The following CADPS variants were observed in gnomAD, a reference collection of about 807,000 sequenced individuals.
CADPS encodes calcium-dependent secretion activator 1.
Under a neutral mutation model 167.3 loss-of-function variants are expected in CADPS, and 57 were observed. The ratio of observed to expected loss-of-function variants is 0.34; its 90% CI spans 0.28 to 0.42. CADPS has a LOEUF of 0.42. CADPS is among the 20% of genes least tolerant of loss of function. The probability of loss-of-function intolerance (pLI) is 1.00; values close to 1 mark genes in which losing one functional copy is unlikely to be tolerated. For missense variants in CADPS, 1,414 were observed against 1,738.1 expected, an observed-to-expected ratio of 0.81 and a Z score of 3.32; for synonymous variants, 676 against 635.3, an observed-to-expected ratio of 1.06 and a Z score of -0.96.
intron 1 of CADPS, among the ~76,000 whole-genome samples, chr3:62,839,273 C>T (rs977424401): frequency 1.6e-4 from 25 of 152,110 alleles, no homozygotes; most frequent in African/African-American, 6.0e-4. Context: ...TAGCTCACTG[C>T]AACCTCTGCC....
intron 1 of CADPS, among the ~76,000 whole-genome samples, chr3:62,826,017 G>A (rs1434964379): frequency 1.3e-5 from 2 of 152,128 alleles, no homozygotes; most frequent in African/African-American, 2.4e-5. Flanking sequence ...CACAGGCCAT[G>A]GACTTATAAA....
At chr3:62,775,459 T>C (rs2090046943) in intron 1 of CADPS, among the ~76,000 whole-genome samples, 1 of 152,152 alleles carries the variant, frequency 6.6e-6, no homozygotes, top group African/African-American at 2.4e-5. Flanking sequence ...ACACAATACA[T>C]AAAAAATCAT....
chr3:62,640,753 A>G (rs952995228), intron 6 of CADPS, among the ~76,000 whole-genome samples: 1 of 152,210 alleles, frequency 6.6e-6, no homozygotes, highest in African/African-American at 2.4e-5. Flanking sequence ...TTTCAGATAC[A>G]TTAGCACAAT....
chr3:62,583,038 AG>A (rs1244443503), intron 8 of CADPS, among the ~76,000 whole-genome samples: 2 of 152,180 alleles, frequency 1.3e-5, no homozygotes, highest in African/African-American at 2.4e-5. Context: ...ACTCGAATGT[AG>A]GTTGAGGCAC....
chr3:62,776,436 C>G (rs1175266752), intron 1 of CADPS, among the ~76,000 whole-genome samples: 1 of 152,144 alleles, frequency 6.6e-6, no homozygotes, highest in East Asian at 1.9e-4. Flanking sequence ...AGGCGGATCA[C>G]GAGGTCAGGA....
intron 17 of CADPS, among the ~76,000 whole-genome samples, chr3:62,506,583 A>T (rs2066728208): frequency 6.6e-6 from 1 of 152,178 alleles, no homozygotes; most frequent in Non-Finnish European, 1.5e-5. Flanking sequence ...TTAATTCTGC[A>T]TGGACATTGT....
At chr3:62,677,285 A>G (rs1037638150) in intron 3 of CADPS, among the ~76,000 whole-genome samples, 12 of 152,170 alleles carry the variant, frequency 7.9e-5, no homozygotes, top group African/African-American at 2.9e-4. Flanking sequence ...CACCAAAAAC[A>G]AAAAACCAAA....
intron 1 of CADPS, among the ~76,000 whole-genome samples, chr3:62,830,050 G>A (rs191080677): frequency 5.9e-5 from 9 of 152,088 alleles, no homozygotes; most frequent in Admixed American, 6.6e-5. Context: ...TGGGTGATTG[G>A]TTTCCACCCC....
intron 23 of CADPS, among the ~76,000 whole-genome samples, chr3:62,476,767 T>G (rs2061376927): frequency 6.6e-6 from 1 of 152,210 alleles, no homozygotes; most frequent in Non-Finnish European, 1.5e-5. Context: ...TACAATTATG[T>G]GCACAGTTTA....
At chr3:62,700,061 C>T (rs1006296597) in intron 3 of CADPS, among the ~76,000 whole-genome samples, 3 of 152,084 alleles carry the variant, frequency 2.0e-5, no homozygotes, top group Non-Finnish European at 2.9e-5. Context: ...TCTATGGGTC[C>T]TCTATCTCTA....
In CADPS at chr3:62,398,862, AG is replaced by A. The variant is rs1304873232; in HGVS notation, c.*543del. On this transcript the variant is annotated 3_prime_UTR_variant, in exon 30 of 30. Transcript: ENST00000383710. ...GAAAGGATGGGTTAACAACGACACA[AG>A]GGGTTCATTTTTTGGTTTTAGGGGA... 6.6e-6 allele frequency: 1 copy of A among 152,242 alleles called. No homozygotes were observed. Among genetic ancestry groups the A allele is most frequent in the Non-Finnish European group, 1.5e-5 (1 of 68,056 alleles). The allele number at this position is 152,242 out of a possible 1,614,324, so 9.4% of individuals were successfully genotyped here. A position where few individuals can be genotyped will look rare whatever the true frequency, so the allele number is the denominator to read the frequency against.
At position 62,576,790 on chromosome 3, in the gene CADPS, A is replaced by T. The variant is rs1018066684; in HGVS notation, c.1578-5852T>A. Among the ~76,000 whole-genome samples the T allele has an allele frequency of 4.3e-4, 60 of 141,080 alleles. 2 individuals carry two copies. The highest frequency in any genetic ancestry group is 1.2e-3 in the South Asian group (5 of 4,284). The allele number at this position is 141,080 out of a possible 152,430, so 92.6% of individuals were successfully genotyped here. On this transcript the variant is annotated intron_variant, in intron 8 of 29. Coordinates refer to ENST00000383710, the MANE Select transcript of CADPS (RefSeq NM_003716.4). Reference sequence around the variant, plus strand: ...GGGTGACAGAGCAAGACTCTGTCTAAAAAAAAAAAAAAAAAAAAAAAAAAA... The same window carrying T: ...GGGTGACAGAGCAAGACTCTGTCTATAAAAAAAAAAAAAAAAAAAAAAAAA...
chr3:62,851,442 C>A (rs979100498), intron 1 of CADPS, among the ~76,000 whole-genome samples: 8 of 148,130 alleles, frequency 5.4e-5, no homozygotes, highest in African/African-American at 2.0e-4. Context: ...TTAGCGCTTC[C>A]TTCAGGAGCT....
chr3:62,666,061 G>C (rs540081833), intron 3 of CADPS, among the ~76,000 whole-genome samples: 2 of 152,320 alleles, frequency 1.3e-5, no homozygotes, highest in East Asian at 3.9e-4. Flanking sequence ...TCCCTCACTG[G>C]CGTGAATGTA....
At chr3:62,551,999 G>C (rs1460979475) in intron 10 of CADPS, among the ~76,000 whole-genome samples, 2 of 152,012 alleles carry the variant, frequency 1.3e-5, no homozygotes, top group African/African-American at 4.8e-5. Context: ...GGTAGTTTTT[G>C]TCTATTTTGC....
chr3:62,547,587 C>CA (rs1553906057), intron 11 of CADPS, among the ~76,000 whole-genome samples: 3,570 of 41,742 alleles, frequency 0.086, 289 homozygotes, highest in South Asian at 0.19. Context: ...ATCATTTACG[C>CA]CCCCCCCCCC....
rs201676240 is a variant in CADPS, at chr3:62,400,532, C to T, written c.3883-947G>A. Among the ~76,000 whole-genome samples the T allele has an allele frequency of 2.6e-5, 4 of 151,100 alleles. No individual in the cohort carries two copies. In the East Asian group the frequency reaches 7.8e-4, roughly 29 times the overall value. ...TTCTCCTATTGATATAGGAAACTTG[C>T]TAAAGGGGCAAGACAAGGAATGCTA... On this transcript the variant is annotated intron_variant, in intron 29 of 29. Transcript: ENST00000383710.
chr3:62,669,484 C>T (rs879472127), intron 3 of CADPS, among the ~76,000 whole-genome samples: 3 of 152,166 alleles, frequency 2.0e-5, no homozygotes, highest in East Asian at 3.9e-4. Context: ...GCTGTTTTTG[C>T]CGCATTCAAG....
rs1004390559 is a variant in CADPS at position 62,536,529 on chromosome 3, G to A, written c.2019C>T (p.Pro673=). The A allele has an allele frequency of 6.2e-7, 1 of 1,613,426 alleles. No homozygotes were observed. Among genetic ancestry groups the A allele is most frequent in the Non-Finnish European group, 8.5e-7 (1 of 1,179,434 alleles). ...AGAGGGAAGCGTGGTCAAAGTTACA[G>A]GGGTTGGAAGAGATAAATTCATCCA... ...HGMDEFISSN[P]CNFDHASLFE... is the part of the protein sequence containing the mutation. The change falls in exon 12 of 30, where the codon CCC becomes CCT. Residue 673 remains proline (P), a synonymous_variant. Transcript: ENST00000383710.
Sources: allele counts gnomAD v4.1 joint callset (sites outside exome capture counted in the v4.1 genomes callset), GRCh38; gene constraint gnomAD v4.1.1; transcripts MANE v1.5; gene names NCBI Gene and HGNC (gene_info 2026-07-23, HGNC 2026-07-21).